Variants in EXOSC3 observed in about 807,000 individuals in gnomAD.
EXOSC3 encodes the protein exosome component 3, also known as exosome complex component RRP40.
A neutral mutation model predicts 25.1 loss-of-function variants in EXOSC3; 18 were observed. The observed-to-expected ratio is 0.72, with a 90% confidence interval of 0.50 to 1.06. The LOEUF (loss-of-function observed/expected upper bound fraction) is 1.06. EXOSC3 is among the 50% of genes least tolerant of loss of function. EXOSC3 has a pLI of 0.00. For synonymous variants in EXOSC3, 165 were observed against 132.2 expected (o/e 1.25, Z -1.70); for missense variants, 382 against 350.9 (o/e 1.09, Z -0.71).
Position 37,784,945 on chromosome 9 carries a change from G to A in EXOSC3, c.100C>T (p.Leu34=), listed in dbSNP as rs780093244. The A allele has an allele frequency of 1.9e-6, 3 of 1,612,252 alleles. No individual in the cohort carries two copies. Among genetic ancestry groups the A allele is most frequent in the East Asian group, 4.5e-5 (2 of 44,834 alleles). ...GCGTCCTCCTGTTCCGGCAGGAGCA[G>A]CTCCTCACCCGGGAGCACCACCTGA... ...LGQVVLPGEE[L]LLPEQEDAEG... is the part of the protein sequence containing the mutation. Residue 34 remains leucine, a synonymous_variant, in exon 1 of 4, where the codon CTG becomes TTG. Coordinates refer to ENST00000327304, the MANE Select transcript of EXOSC3 (RefSeq NM_016042.4).
Position 37,780,744 on chromosome 9 carries a change from C to A in EXOSC3, c.763G>T (p.Glu255Ter), listed in dbSNP as rs750016815. ...QQTLILANIL[E>*]ACEHMTSDQR... ...TCTGACGTCATGTGTTCACAAGCTT[C>A]TAAAATGTTTGCCAAAATTAAAGTC... The change falls in exon 4 of 4, where the codon GAA (glutamate) becomes TAA (stop). Residue 255 changes from glutamate to a stop codon, truncating the protein, a stop_gained. Coordinates refer to ENST00000327304, the MANE Select transcript of EXOSC3 (RefSeq NM_016042.4). LOFTEE classifies it high-confidence loss of function. The A allele has an allele frequency of 5.6e-6, 9 of 1,614,042 alleles. No individual in the cohort carries two copies. The Admixed American group carries it at 1.5e-4, about 27-fold the overall frequency.
rs1466678830 is a variant in EXOSC3, at chr9:37,780,708, GTT to G, written c.797_798del (p.Lys266ThrfsTer12). 1.2e-6 allele frequency: 2 copies of G among 1,613,710 alleles called. No individual in the cohort carries two copies. The highest frequency in any genetic ancestry group is 1.7e-6 in the Non-Finnish European group (2 of 1,179,882). On this transcript the variant is annotated frameshift_variant, in exon 4 of 4. Coordinates refer to ENST00000327304, the MANE Select transcript of EXOSC3 (RefSeq NM_016042.4). LOFTEE classifies it high-confidence loss of function. Reference sequence around the variant, plus strand: ...CTTTCTGCCAATCTGGAGAAGATCTGTTTTCTTTGATCTGACGTCATGTGTTC... The same window carrying G: ...CTTTCTGCCAATCTGGAGAAGATCTGTTCTTTGATCTGACGTCATGTGTTC... ...ACEHMTSDQR[K>X]QIFSRLAES is the part of the protein sequence containing the mutation.
chr9:37,783,587 A>G (rs1828639508), intron 2 of EXOSC3, among the ~76,000 whole-genome samples: 1 of 152,194 alleles, frequency 6.6e-6, no homozygotes, highest in African/African-American at 2.4e-5. Context: ...CCCTCCTCTA[A>G]GCCTACAGCA....
chr9:37,784,361 T>C (rs2118980871), intron 1 of EXOSC3: 3 of 470,236 alleles, frequency 6.4e-6, no homozygotes, highest in Non-Finnish European at 1.1e-5. Flanking sequence ...CCATAGACAA[T>C]TTTTTCTATA....
At position 37,784,831 on chromosome 9, in the gene EXOSC3, G is replaced by T. The variant is rs767003713; in HGVS notation, c.214C>A (p.Arg72=). ...RVRVVCGPGL[R]RCGDRLLVTK... ...ACCAGCAGGCGGTCCCCACAGCGCC[G>T]AAGGCCCGGACCGCATACAACGCGC... Residue 72 remains arginine (R), a synonymous_variant, in exon 1 of 4, where the codon CGG becomes AGG. Coordinates refer to ENST00000327304, the MANE Select transcript of EXOSC3 (RefSeq NM_016042.4). The T allele has an allele frequency of 1.9e-6, 3 of 1,608,180 alleles. No individual in the cohort carries two copies. In the South Asian group the frequency reaches 3.3e-5, roughly 18 times the overall value.
At chr9:37,780,936 A>C in intron 3 of EXOSC3, 56 bp from the exon 4 acceptor site, 1 of 1,447,304 alleles carries the variant, frequency 6.9e-7, no homozygotes, top group Admixed American at 2.0e-5. Flanking sequence ...GTGTGTCCGG[A>C]GTCTCCTTTA....
intron 1 of EXOSC3, 178 bp from the exon 2 acceptor site, chr9:37,784,241 GTTAA>G (rs1828656434): frequency 9.8e-6 from 6 of 612,646 alleles, no homozygotes; most frequent in Admixed American, 6.7e-5. Flanking sequence ...CTGGTAGTCT[GTTAA>G]TTGAGTCCAA....
rs1241989144 is a variant in EXOSC3, at chr9:37,784,023, G to A, written c.365C>T (p.Thr122Ile). 2 of 1,613,594 alleles carry A rather than the reference G, an allele frequency of 1.2e-6. No homozygotes were observed. Among genetic ancestry groups the A allele is most frequent in the Admixed American group, 3.3e-5 (2 of 59,962 alleles). Residue 122 changes from threonine (T) to isoleucine (I), a missense_variant, in exon 2 of 4, where the codon ACA (threonine) becomes ATA (isoleucine). Coordinates refer to ENST00000327304, the MANE Select transcript of EXOSC3 (RefSeq NM_016042.4). ...TTTGAATATATCTCCAGATTTAGCT[G>A]TCACTATGCCAATCACATGGTCTCC... is the stretch of plus-strand genomic sequence containing the variant. ...VKGDHVIGIV[T>I]AKSGDIFKVD...
At chr9:37,784,427 G>A (rs1828660387) in intron 1 of EXOSC3, 2 of 520,452 alleles carry the variant, frequency 3.8e-6, no homozygotes, top group East Asian at 6.5e-5. Flanking sequence ...CACTCATTGA[G>A]CCTAGTCCTG....
At chr9:37,781,324 G>A (rs1036456788) in intron 3 of EXOSC3, among the ~76,000 whole-genome samples, 4 of 150,896 alleles carry the variant, frequency 2.7e-5, no homozygotes, top group Admixed American at 1.3e-4. Context: ...ATGCTTCTTG[G>A]TTAAAAACAT....
chr9:37,783,850 G>A (rs1828643566), intron 2 of EXOSC3, 64 bp downstream of exon 2: 1 of 1,541,562 alleles, frequency 6.5e-7, no homozygotes, highest in African/African-American at 1.4e-5. Context: ...ATAGCCTTCT[G>A]GATATGTGAG....
At position 37,783,965 on chromosome 9, in the gene EXOSC3, C is replaced by T. The variant is rs1354433213; in HGVS notation, c.423G>A (p.Leu141=). ...VDVGGSEPAS[L]SYLSFEGATK... is the part of the protein sequence containing the mutation. ...TTGCACCTTCAAATGACAAGTAAGA[C>T]AAAGAAGCTGGCTCACTCCCTCCAA... The change falls in exon 2 of 4, where the codon TTG becomes TTA. Residue 141 remains leucine, a synonymous_variant. Coordinates refer to ENST00000327304, the MANE Select transcript of EXOSC3 (RefSeq NM_016042.4). 1 of 1,613,658 alleles carries T rather than the reference C, an allele frequency of 6.2e-7. No homozygotes were observed. Among genetic ancestry groups the T allele is most frequent in the South Asian group, 1.1e-5 (1 of 91,050 alleles).
At position 37,780,601 on chromosome 9, in the gene EXOSC3, G is replaced by A. The variant is rs1403116259; in HGVS notation, c.*78C>T. On this transcript the variant is annotated 3_prime_UTR_variant, in exon 4 of 4. Coordinates refer to ENST00000327304, the MANE Select transcript of EXOSC3 (RefSeq NM_016042.4). ...CATACATTCACACCTTATCTTCTGA[G>A]TATTTAAATGGGGGAGGTTCACCTG... 3.6e-5 allele frequency: 40 copies of A among 1,100,404 alleles called. No homozygotes were observed. The highest frequency in any genetic ancestry group is 5.5e-5 in the Non-Finnish European group (40 of 729,620). 68.2% of individuals were successfully genotyped at this position (1,100,404 alleles called of 1,614,324 possible). A position where few individuals can be genotyped will look rare whatever the true frequency, so the allele number is the denominator to read the frequency against.
rs764545296 is a variant in EXOSC3, at chr9:37,784,082, T to A, written c.325-19A>T. The A allele has an allele frequency of 1.3e-6, 2 of 1,595,872 alleles. No homozygotes were observed. The highest frequency in any genetic ancestry group is 1.4e-5 in the African/African-American group (1 of 73,774). On this transcript the variant is annotated intron_variant, in intron 1 of 3. Transcript: ENST00000327304. ...GAACATACTACAAAAAGAAACAGAA[T>A]GAAAAAACAGCCATAAATGACAAGA...
At chr9:37,784,488 A>G (rs1828661684) in intron 1 of EXOSC3, 1 of 590,604 alleles carries the variant, frequency 1.7e-6, no homozygotes, top group South Asian at 2.3e-5. Context: ...GAAGACTATA[A>G]TCATGACTCA....
Position 37,782,011 on chromosome 9 carries a change from T to G in EXOSC3, c.601A>C (p.Lys201Gln). ...TTTCTAATTAAGCCCAGAGTCACTT[T>G]AAAAAGCAGACCATCCTGTCCAATG... ...GVIGQDGLLF[K>Q]VTLGLIRKLL... The change falls in exon 3 of 4, where the codon AAA becomes CAA. Residue 201 changes from lysine (K) to glutamine (Q), a missense_variant. Physicochemically the swap from Lys to Gln is moderately conservative, Grantham distance 53. Transcript: ENST00000327304. 6.2e-7 allele frequency: 1 copy of G among 1,613,896 alleles called. No individual in the cohort carries two copies.
At chr9:37,782,463 C>T (rs558445391) in intron 2 of EXOSC3, among the ~76,000 whole-genome samples, 11 of 152,138 alleles carry the variant, frequency 7.2e-5, no homozygotes, top group Non-Finnish European at 1.6e-4. Flanking sequence ...AATTAATTTC[C>T]TGAGTTGCAT....
In EXOSC3 at chr9:37,782,285, A is replaced by AGTT. The variant is rs1434538767; in HGVS notation, c.475-151_475-149dup. 8 of 779,870 alleles carry AGTT rather than the reference A, an allele frequency of 1.0e-5. No homozygotes were observed. The East Asian group carries it at 2.2e-4, about 21-fold the overall frequency. The allele number at this position is 779,870 out of a possible 1,614,324, so 48.3% of individuals were successfully genotyped here. A position where few individuals can be genotyped will look rare whatever the true frequency, so the allele number is the denominator to read the frequency against. ...TATAGGATTCCCACAGTCACTTTGG[A>AGTT]GTTGAGTCTTGGGGAAAAAAAGGAA... On this transcript the variant is annotated intron_variant, in intron 2 of 3. Coordinates refer to ENST00000327304, the MANE Select transcript of EXOSC3 (RefSeq NM_016042.4).
Position 37,780,817 on chromosome 9 carries a change from T to C in EXOSC3, c.690A>G (p.Val230=). The change falls in exon 4 of 4, where the codon GTA becomes GTG. Residue 230 remains valine, a synonymous_variant. Coordinates refer to ENST00000327304, the MANE Select transcript of EXOSC3 (RefSeq NM_016042.4). ...CCCATATTCTTCCATTCATTCCAAA[T>C]ACTATCTCCAGTGGATAGAGTTTTC... ...EVGKLYPLEI[V]FGMNGRIWVK... is the part of the protein sequence containing the mutation. 6.2e-7 allele frequency: 1 copy of C among 1,613,904 alleles called. No homozygotes were observed. The highest frequency in any genetic ancestry group is 8.5e-7 in the Non-Finnish European group (1 of 1,179,892).
Sources: gnomAD v4.1 joint callset for allele counts (sites outside exome capture counted in the v4.1 genomes callset) on GRCh38, gnomAD v4.1.1 for gene constraint, MANE v1.5 for transcripts, NCBI Gene and HGNC (gene_info 2026-07-23, HGNC 2026-07-21) for gene names.